The following SOS1 variants were observed in gnomAD, a reference collection of about 807,000 sequenced individuals.
The protein encoded by SOS1 is son of sevenless homolog 1.
SOS1 carries 25 observed loss-of-function variants against 157.6 expected under a neutral mutation model. The observed-to-expected ratio is 0.16, with a 90% CI of 0.12 to 0.22. The LOEUF (loss-of-function observed/expected upper bound fraction) is 0.22. Ranked by LOEUF, SOS1 falls within the 10% of genes least tolerant of loss-of-function variation. The pLI is 1.00. For synonymous variants in SOS1, 528 were observed against 534.0 expected, an observed-to-expected ratio of 0.99 and a Z score of 0.16; for missense variants, 1,237 against 1,599.1, an observed-to-expected ratio of 0.77 and a Z score of 3.86.
rs1238647459 is a variant in SOS1, at chr2:38,981,894, A to ATT, written c.*3928_*3929dup. 1 of 152,162 alleles carries ATT rather than the reference A, an allele frequency of 6.6e-6. No individual in the cohort carries two copies. 9.4% of individuals were successfully genotyped at this position (152,162 alleles called of 1,614,324 possible). Reference sequence around the variant, plus strand: ...AAATTCTCTGGTGGTTTCACCAGATATTTGCACCCCAAAGTTCCCTGCCCA... The same window carrying ATT: ...AAATTCTCTGGTGGTTTCACCAGATATTTTTGCACCCCAAAGTTCCCTGCCCA... On this transcript the variant is annotated 3_prime_UTR_variant, in exon 23 of 23. Transcript: ENST00000402219.
At chr2:39,012,528 T>C (rs1182326823) in intron 13 of SOS1, among the ~76,000 whole-genome samples, 180 bp from the exon 14 acceptor site, 1 of 152,174 alleles carries the variant, frequency 6.6e-6, no homozygotes, top group Non-Finnish European at 1.5e-5. Flanking sequence ...AATCCTAATC[T>C]TATTCTTCTT....
At chr2:39,085,339 C>T (rs952854112) in intron 1 of SOS1, among the ~76,000 whole-genome samples, 2 of 152,220 alleles carry the variant, frequency 1.3e-5, no homozygotes, top group Non-Finnish European at 2.9e-5. Flanking sequence ...TGGGCCACCA[C>T]ATGCAGTTAT....
chr2:38,997,199 T>C, intron 18 of SOS1, 54 bp downstream of exon 18: 1 of 1,400,136 alleles, frequency 7.1e-7, no homozygotes, highest in Non-Finnish European at 1.0e-6. Context: ...TGCCTTTTAT[T>C]AAGTAGTTTA....
chr2:39,065,973 T>C (rs923930619), intron 2 of SOS1, among the ~76,000 whole-genome samples: 3 of 152,218 alleles, frequency 2.0e-5, no homozygotes, highest in Admixed American at 2.0e-4. Context: ...TGCATAATAC[T>C]ATATAGCAAA....
chr2:39,116,167 A>G (rs981339075), intron 1 of SOS1, among the ~76,000 whole-genome samples: 7 of 94,782 alleles, frequency 7.4e-5, no homozygotes, highest in African/African-American at 2.6e-4. Context: ...CCAGTTGGAG[A>G]AGTTCACTTG....
rs184939887 is a variant in SOS1, at chr2:39,045,823, C to G, written c.864+5321G>C. 1.9e-3 allele frequency among the ~76,000 whole-genome samples: 284 copies of G among 152,326 alleles called. 1 individual carries two copies. Among genetic ancestry groups the G allele is most frequent in the African/African-American group, 6.5e-3 (272 of 41,566 alleles). ...TCCTGGCTTCAAGAAATTCTCCTGC[C>G]TTAGACTCCTGTGTATCTGGGATTA... On this transcript the variant is annotated intron_variant, in intron 6 of 22. Transcript: ENST00000402219.
At chr2:39,045,273 A>AGAGAGTGTGTGTGTGTGTGTGT (rs138343013) in intron 6 of SOS1, among the ~76,000 whole-genome samples, 1 of 108,048 alleles carries the variant, frequency 9.3e-6, no homozygotes, top group African/African-American at 3.4e-5. Flanking sequence ...AGAGAGAGAG[A>AGAGAGTGTGTGTGTGTGTGTGT]GTGTGTGTGT....
Position 38,984,140 on chromosome 2 carries a change from C to G in SOS1, c.*1684G>C, listed in dbSNP as rs886056012. On this transcript the variant is annotated 3_prime_UTR_variant, in exon 23 of 23. Transcript: ENST00000402219. ...TGTTGCAGCACTTCTAAAAATGTCT[C>G]TAATGGTGTGGTTAACAGAATTGCT... 19 of 152,086 alleles carry G rather than the reference C, an allele frequency of 1.2e-4. No homozygotes were observed. The highest frequency in any genetic ancestry group is 2.2e-4 in the Non-Finnish European group (15 of 68,006). The allele number at this position is 152,086 out of a possible 1,614,324, so 9.4% of individuals were successfully genotyped here.
intron 6 of SOS1, among the ~76,000 whole-genome samples, chr2:39,035,776 A>AT (rs1670321650): frequency 6.6e-6 from 1 of 152,212 alleles, no homozygotes; most frequent in African/African-American, 2.4e-5. Context: ...AAACATGGCC[A>AT]TAAGAGTGGG....
Position 39,052,381 on chromosome 2 carries a change from A to G in SOS1, c.721-1094T>C, listed in dbSNP as rs959868111. On this transcript the variant is annotated intron_variant, in intron 5 of 22. Coordinates refer to ENST00000402219, the MANE Select transcript of SOS1 (RefSeq NM_005633.4). Reference sequence around the variant, plus strand: ...TCTTTTGGTGAGATTTTGTGTAGTTATTCACCCTTCTAACCATCGGCACAA... The same window carrying G: ...TCTTTTGGTGAGATTTTGTGTAGTTGTTCACCCTTCTAACCATCGGCACAA... Among the ~76,000 whole-genome samples, 3 of 152,088 alleles carry G rather than the reference A, an allele frequency of 2.0e-5. No individual in the cohort carries two copies. The East Asian group carries it at 5.8e-4, about 29-fold the overall frequency.
intron 1 of SOS1, among the ~76,000 whole-genome samples, chr2:39,094,603 A>G: frequency 6.6e-6 from 1 of 152,134 alleles, no homozygotes; most frequent in South Asian, 2.1e-4. Flanking sequence ...CAGTGAGCCG[A>G]GACTGTACCA....
At chr2:39,000,660 A>T (rs886464143) in intron 17 of SOS1, among the ~76,000 whole-genome samples, 1 of 152,148 alleles carries the variant, frequency 6.6e-6, no homozygotes, top group Non-Finnish European at 1.5e-5. Context: ...TCCACACTTC[A>T]GTCTACACTT....
chr2:39,081,714 A>G (rs1365512242), intron 1 of SOS1, among the ~76,000 whole-genome samples: 1 of 145,474 alleles, frequency 6.9e-6, no homozygotes, highest in African/African-American at 2.6e-5. Flanking sequence ...AATCCCAGCT[A>G]CTTGGAAGGC....
intron 6 of SOS1, among the ~76,000 whole-genome samples, chr2:39,044,864 G>A (rs55675614): frequency 0.06 from 8,814 of 147,734 alleles, 752 homozygotes; most frequent in African/African-American, 0.18. Flanking sequence ...GCGCGCGCGC[G>A]CACACACACA....
Position 38,995,203 on chromosome 2 carries a change from G to GTTAA in SOS1, c.3265_3266insTTAA (p.Pro1089LeufsTer19). The GTTAA allele has an allele frequency of 6.2e-7, 1 of 1,613,938 alleles. No individual in the cohort carries two copies. Among genetic ancestry groups the GTTAA allele is most frequent in the Non-Finnish European group, 8.5e-7 (1 of 1,179,856 alleles). ...ACTGGAAGCACCAGAAGCAGGCGGA[G>GTTAA]GTGTTAACGGTGTTCTTGGAGAATT... On this transcript the variant is annotated frameshift_variant, in exon 20 of 23. Transcript: ENST00000402219. LOFTEE classifies it high-confidence loss of function.
At position 39,054,678 on chromosome 2, in the gene SOS1, A is replaced by T. The variant is rs1671142511; in HGVS notation, c.656T>A (p.Leu219Gln). Residue 219 changes from leucine (L) to glutamine (Q), a missense_variant, in exon 5 of 23, where the codon CTA (leucine) becomes CAA (glutamine). Leu to Gln is a moderately radical substitution (Grantham distance 113). Around this residue, in one of 15 missense-constraint regions of SOS1, gnomAD observed 108 missense variants for 115.3 expected, o/e 0.94. Transcript: ENST00000402219. ...MAEIRQYIRE[L>Q]NLIIKVFREP... ...TCTAAAAACTTTTATAATTAGATTT[A>T]GTTCCCTTATATATTGTCGAATTTC... 1.3e-6 allele frequency: 2 copies of T among 1,600,004 alleles called. No individual in the cohort carries two copies. Among genetic ancestry groups the T allele is most frequent in the Non-Finnish European group, 1.7e-6 (2 of 1,167,344 alleles).
At chr2:39,076,398 TAA>T (rs77541801) in intron 1 of SOS1, among the ~76,000 whole-genome samples, 2 of 143,204 alleles carry the variant, frequency 1.4e-5, no homozygotes. Context: ...GACCTTACCT[TAA>T]AAAAAAAAAA....
intron 1 of SOS1, 33 bp downstream of exon 1, chr2:39,120,303 C>A (rs764632845): frequency 1.9e-6 from 3 of 1,542,774 alleles, no homozygotes; most frequent in Non-Finnish European, 2.6e-6. Flanking sequence ...TGGGGGGCTG[C>A]GGCCGGGAAG....
chr2:39,009,466 T>C (rs918691534), intron 15 of SOS1, among the ~76,000 whole-genome samples: 1 of 152,200 alleles, frequency 6.6e-6, no homozygotes, highest in Non-Finnish European at 1.5e-5. Flanking sequence ...AATTGTGTAA[T>C]TATTAAAGAC....
Sources: allele counts gnomAD v4.1 joint callset (sites outside exome capture counted in the v4.1 genomes callset), GRCh38; gene constraint gnomAD v4.1.1; regional missense constraint gnomAD v4.1.1; transcripts MANE v1.5; gene names NCBI Gene and HGNC (gene_info 2026-07-23, HGNC 2026-07-21).